HSP90AA1: variants seen among roughly 807,000 people sequenced by gnomAD.
HSP90AA1 encodes the protein heat shock protein 90 alpha family class A member 1.
A neutral mutation model predicts 73.3 loss-of-function variants in HSP90AA1; 18 were observed. The observed-to-expected ratio is 0.25, with a 90% CI of 0.17 to 0.36. HSP90AA1 has a LOEUF of 0.36. Among genes scored for constraint, HSP90AA1 ranks in the 10% least tolerant of loss-of-function variants. The probability of loss-of-function intolerance (pLI) is 1.00; values close to 1 mark genes in which losing one functional copy is unlikely to be tolerated. For synonymous variants in HSP90AA1, 477 were observed against 296.9 expected, an observed-to-expected ratio of 1.61 and a Z score of -6.24; for missense variants, 704 against 874.2, an observed-to-expected ratio of 0.81 and a Z score of 2.45.
At chr14:102,115,726 C>G (rs2049697794) in intron 1 of HSP90AA1, among the ~76,000 whole-genome samples, 1 of 151,892 alleles carries the variant, frequency 6.6e-6, no homozygotes, top group East Asian at 1.9e-4. Context: ...GCCTGGGTGA[C>G]AGAGCAAGAC....
At chr14:102,088,388 TA>T (rs1181971412), upstream of HSP90AA1, among the ~76,000 whole-genome samples, 1 of 152,196 alleles carries the variant, frequency 6.6e-6, no homozygotes, top group Admixed American at 6.5e-5. Context: ...CCTTGCCGTG[TA>T]AAGAAACGAT....
At chr14:102,126,652 G>A (rs1286092646) in intron 1 of HSP90AA1, among the ~76,000 whole-genome samples, 1 of 152,192 alleles carries the variant, frequency 6.6e-6, no homozygotes, top group African/African-American at 2.4e-5. Context: ...AGCCTCAAGA[G>A]TAGCTGAGAC....
chr14:102,120,008 G>T (rs964702472), intron 1 of HSP90AA1, among the ~76,000 whole-genome samples: 3 of 152,108 alleles, frequency 2.0e-5, no homozygotes, highest in Admixed American at 2.0e-4. Flanking sequence ...ACACCAAAAA[G>T]ATATTAAGCT....
intron 1 of HSP90AA1, among the ~76,000 whole-genome samples, chr14:102,105,552 G>A (rs1214243954): frequency 6.6e-6 from 1 of 152,168 alleles, no homozygotes; most frequent in East Asian, 1.9e-4. Context: ...CATGGTAGGT[G>A]CTAGCGGTGG....
intron 1 of HSP90AA1, among the ~76,000 whole-genome samples, chr14:102,134,322 CAAAAAAAAAAAA>C (rs57081266): frequency 0.025 from 1,722 of 69,242 alleles, 18 homozygotes; most frequent in Middle Eastern, 0.093. Context: ...GGCTCTGTCT[CAAAAAAAAAAAA>C]AAAAAAAAAA....
At chr14:102,084,034 G>GTAC (rs2049160690) in intron 6 of HSP90AA1, 51 bp from the exon 7 acceptor site, 1 of 1,363,196 alleles carries the variant, frequency 7.3e-7, no homozygotes, top group Non-Finnish European at 1.0e-6. Context: ...GACAAAACTG[G>GTAC]TACTATGTAA....
rs1369804799 is a variant in HSP90AA1, at chr14:102,123,130, C to T, written c.155+16120G>A. On this transcript the variant is annotated intron_variant, in intron 1 of 11. Coordinates refer to the HSP90AA1 transcript ENST00000334701. ...GTCATTTTGGCCAGGCACAGTGGCT[C>T]ATGCCTGTAATCCCAGTATTTTGGG... 4.6e-5 allele frequency among the ~76,000 whole-genome samples: 7 copies of T among 152,206 alleles called. No homozygotes were observed. The South Asian group carries it at 1.5e-3, about 32-fold the overall frequency.
rs367572034 is a variant in HSP90AA1, at chr14:102,084,571, T to C, written c.982-7A>G. 1.2e-6 allele frequency: 2 copies of C among 1,613,998 alleles called. No homozygotes were observed. The highest frequency in any genetic ancestry group is 1.7e-6 in the Non-Finnish European group (2 of 1,180,014). On this transcript the variant is annotated splice_region_variant and splice_polypyrimidine_tract_variant and intron_variant, in intron 5 of 10. Transcript: ENST00000216281. ...GTCCTTCAACTGAAAAATGCTGTAA[T>C]AAAACAGATACACTAAGTACCAATG... is the stretch of plus-strand genomic sequence containing the variant.
chr14:102,097,322 T>TA (rs5811055), intron 2 of HSP90AA1, among the ~76,000 whole-genome samples: 102,197 of 143,594 alleles, frequency 0.71, 39,087 homozygotes, highest in Non-Finnish European at 0.86. Flanking sequence ...AATGGAGGGT[T>TA]AAAAAAAAAA....
At chr14:102,098,630 A>ATTT in intron 2 of HSP90AA1, among the ~76,000 whole-genome samples, 1 of 151,702 alleles carries the variant, frequency 6.6e-6, no homozygotes, top group African/African-American at 2.4e-5. Context: ...CACCCCGCTA[A>ATTT]TTTTTATATT....
chr14:102,128,859 G>C (rs2049870273), intron 1 of HSP90AA1, among the ~76,000 whole-genome samples: 1 of 152,056 alleles, frequency 6.6e-6, no homozygotes, highest in Admixed American at 6.6e-5. Context: ...AGAAGAATAA[G>C]AATGGGTTCA....
At chr14:102,113,480 A>C (rs2049668118) in intron 1 of HSP90AA1, among the ~76,000 whole-genome samples, 1 of 151,778 alleles carries the variant, frequency 6.6e-6, no homozygotes, top group South Asian at 2.1e-4. Flanking sequence ...TCCCAGGTTC[A>C]AGCAATTCTC....
At chr14:102,137,017 C>T (rs1259523823) in intron 1 of HSP90AA1, among the ~76,000 whole-genome samples, 2 of 152,060 alleles carry the variant, frequency 1.3e-5, no homozygotes, top group African/African-American at 4.8e-5. Context: ...AGTTCGAGAC[C>T]AGCCTGGCCA....
chr14:102,129,461 C>A (rs1403231836), intron 1 of HSP90AA1, among the ~76,000 whole-genome samples: 5 of 151,992 alleles, frequency 3.3e-5, no homozygotes, highest in African/African-American at 4.8e-5. Flanking sequence ...TTTCCCCATC[C>A]CTAGGCTACC....
At chr14:102,107,074 G>C (rs1034026699) in intron 1 of HSP90AA1, among the ~76,000 whole-genome samples, 2 of 152,030 alleles carry the variant, frequency 1.3e-5, no homozygotes, top group Non-Finnish European at 2.9e-5. Context: ...GTGATACTGA[G>C]AGAAGGCACA....
intron 1 of HSP90AA1, among the ~76,000 whole-genome samples, chr14:102,106,092 T>C (rs2049564292): frequency 1.3e-5 from 2 of 151,896 alleles, no homozygotes; most frequent in East Asian, 3.9e-4. Context: ...AAAAAGCTGT[T>C]GAAACGGTTC....
intron 2 of HSP90AA1, among the ~76,000 whole-genome samples, chr14:102,092,171 C>T (rs2049368096): frequency 2.0e-5 from 3 of 151,708 alleles, no homozygotes; most frequent in Admixed American, 2.0e-4. Flanking sequence ...TGGGTTCAAG[C>T]AATTCTCATG....
chr14:102,083,502 A>C (rs7155973), intron 8 of HSP90AA1, 44 bp downstream of exon 8: 1 of 1,590,230 alleles, frequency 6.3e-7, no homozygotes, highest in African/African-American at 1.3e-5. Flanking sequence ...AGCCTACAAG[A>C]TTGTAAGAAC....
chr14:102,085,843 T>C lies in HSP90AA1; in HGVS notation c.444A>G (p.Val148=), dbSNP rs777792092. ...CATCGTTATGTTTGGTGATCACAGTTACTTTCTCAGCAACCAAATAAGCAG... is the reference window on the plus strand; with the variant it reads ...CATCGTTATGTTTGGTGATCACAGTCACTTTCTCAGCAACCAAATAAGCAG... The part of the protein sequence containing the change: ...FYSAYLVAEK[V]TVITKHNDDE... Residue 148 remains valine (V), a synonymous_variant, in exon 3 of 11, where the codon GTA becomes GTG. Coordinates refer to ENST00000216281, the MANE Select transcript of HSP90AA1 (RefSeq NM_005348.4). 3 of 1,613,860 alleles carry C rather than the reference T, an allele frequency of 1.9e-6. No individual in the cohort carries two copies. The highest frequency in any genetic ancestry group is 1.7e-5 in the Admixed American group (1 of 59,990).
Sources: gnomAD v4.1 joint callset for allele counts (sites outside exome capture counted in the v4.1 genomes callset) on GRCh38, gnomAD v4.1.1 for gene constraint, MANE v1.5 for transcripts, NCBI Gene and HGNC (gene_info 2026-07-23, HGNC 2026-07-21) for gene names.